PKD1L1: variants seen among roughly 807,000 people sequenced by gnomAD.
PKD1L1 encodes the protein polycystin 1 like 1, transient receptor potential channel interacting, also known as polycystin-1-like protein 1.
In PKD1L1, 236 loss-of-function variants were observed where a neutral mutation model predicts 323.4. That is an observed-to-expected ratio of 0.73 (90% CI 0.66 to 0.81). The LOEUF (loss-of-function observed/expected upper bound fraction) is 0.81. Among genes scored for constraint, PKD1L1 ranks in the 40% least tolerant of loss-of-function variants. The pLI is 0.00. For synonymous variants in PKD1L1, 1,344 were observed against 1,335.0 expected (o/e 1.01, Z -0.15); for missense variants, 3,320 against 3,508.0 (o/e 0.95, Z 1.35).
chr7:47,932,477 G>T (rs1010824145), intron 4 of PKD1L1, among the ~76,000 whole-genome samples: 1 of 152,208 alleles, frequency 6.6e-6, no homozygotes, highest in Admixed American at 6.5e-5. Context: ...TGCTTATTCC[G>T]AGTGCAGTCA....
rs950366013 is a variant in PKD1L1 at position 47,900,407 on chromosome 7, TACAG to T, written c.2064+1968_2064+1971del. ...AAGGCCATACACTTGCAGAACAATG[TACAG>T]ACAGTGTAATTGCCAAGTTATTTGT... On this transcript the variant is annotated intron_variant, in intron 13 of 56. Transcript: ENST00000289672. Among the ~76,000 whole-genome samples the T allele has an allele frequency of 1.1e-4, 17 of 152,216 alleles. 1 individual carries two copies. The highest frequency in any genetic ancestry group is 8.5e-4 in the Admixed American group (13 of 15,272).
At position 47,887,780 on chromosome 7, in the gene PKD1L1, C is replaced by T. The variant is rs185176054; in HGVS notation, c.2836+210G>A. On this transcript the variant is annotated intron_variant, in intron 17 of 56. Coordinates refer to ENST00000289672, the MANE Select transcript of PKD1L1 (RefSeq NM_138295.5). ...ATATCACACTGAGGTCAGAAGCAGC[C>T]CTTGAGTGTGTCACCTCTTCTGCTG... Among the ~76,000 whole-genome samples the T allele has an allele frequency of 2.0e-4, 30 of 152,290 alleles. 1 individual carries two copies. Among genetic ancestry groups the T allele is most frequent in the African/African-American group, 5.8e-4 (24 of 41,554 alleles).
chr7:47,818,799 T>C (rs1785078341), intron 46 of PKD1L1, among the ~76,000 whole-genome samples: 1 of 152,260 alleles, frequency 6.6e-6, no homozygotes, highest in Non-Finnish European at 1.5e-5. Context: ...CTTTATTTGC[T>C]GGTTTATTTT....
intron 8 of PKD1L1, among the ~76,000 whole-genome samples, chr7:47,914,441 T>C (rs1482820212): frequency 1.3e-5 from 2 of 152,134 alleles, no homozygotes; most frequent in Admixed American, 6.5e-5. Context: ...ATCTCCAAAA[T>C]TGTGAGAGGC....
intron 7 of PKD1L1, among the ~76,000 whole-genome samples, chr7:47,916,421 G>A (rs1254336215): frequency 2.0e-5 from 3 of 152,206 alleles, no homozygotes; most frequent in Non-Finnish European, 4.4e-5. Flanking sequence ...GGATCACAGT[G>A]AATGGGAGGC....
intron 14 of PKD1L1, among the ~76,000 whole-genome samples, chr7:47,896,322 C>G (rs567142243): frequency 1.1e-3 from 138 of 130,022 alleles, no homozygotes; most frequent in African/African-American, 4.7e-3. Flanking sequence ...AGAGTGAGAC[C>G]CTGTCTCAAA....
At chr7:47,948,047 G>A (rs1011624949) in intron 1 of PKD1L1, among the ~76,000 whole-genome samples, 1 of 152,144 alleles carries the variant, frequency 6.6e-6, no homozygotes, top group Non-Finnish European at 1.5e-5. Flanking sequence ...TCCATGCAAG[G>A]GACCTAGCAG....
chr7:47,795,898 T>C (rs1200094375), intron 55 of PKD1L1, 91 bp downstream of exon 55: 2 of 1,435,428 alleles, frequency 1.4e-6, no homozygotes, highest in Non-Finnish European at 1.9e-6. Context: ...AACATACTCA[T>C]GCTTTGATAA....
At chr7:47,957,947 T>C in the PKD1L1 span, among the ~76,000 whole-genome samples, 5 of 148,116 alleles carry the variant, frequency 3.4e-5, no homozygotes, top group Non-Finnish European at 7.5e-5. Context: ...TGAAAGAAAC[T>C]GAAGACACAA....
At chr7:47,893,814 A>G in intron 15 of PKD1L1, 64 bp downstream of exon 15, 4 of 1,515,802 alleles carry the variant, frequency 2.6e-6, no homozygotes, top group Non-Finnish European at 3.6e-6. Flanking sequence ...AACGTTCCAG[A>G]GCCTGCATTT....
intron 14 of PKD1L1, among the ~76,000 whole-genome samples, chr7:47,895,647 G>A (rs1786919932): frequency 6.6e-6 from 1 of 152,102 alleles, no homozygotes; most frequent in Non-Finnish European, 1.5e-5. Flanking sequence ...ACTTTTGGGT[G>A]GAGACAATAT....
chr7:47,866,212 A>G (rs2128743986), intron 25 of PKD1L1, among the ~76,000 whole-genome samples: 1 of 152,358 alleles, frequency 6.6e-6, no homozygotes, highest in African/African-American at 2.4e-5. Context: ...TCTCTCTTTT[A>G]TAAACCAGCA....
At chr7:47,802,324 A>G (rs1380694896) in intron 53 of PKD1L1, among the ~76,000 whole-genome samples, 1 of 152,186 alleles carries the variant, frequency 6.6e-6, no homozygotes, top group Non-Finnish European at 1.5e-5. Flanking sequence ...AATGTCGTTA[A>G]TGCTTTTTCT....
intron 36 of PKD1L1, among the ~76,000 whole-genome samples, chr7:47,838,148 T>C (rs140230000): frequency 1.3e-5 from 2 of 152,382 alleles, no homozygotes; most frequent in East Asian, 1.9e-4. Context: ...GTTTTAGATG[T>C]TGAAGAATTT....
In PKD1L1 at chr7:47,898,044, T is replaced by A. The variant is rs1583657988; in HGVS notation, c.2215A>T (p.Thr739Ser). 1 of 1,612,840 alleles carries A rather than the reference T, an allele frequency of 6.2e-7. No individual in the cohort carries two copies. ...LPAAVDTHRQ[T>S]LILPSHTLEY... ...AAGGTGTGGCTCGGGAGGATGAGGGTCTGTCTGTGAGTGTCCACAGCAGCA... is the reference window on the plus strand; with the variant it reads ...AAGGTGTGGCTCGGGAGGATGAGGGACTGTCTGTGAGTGTCCACAGCAGCA... Residue 739 changes from threonine (T) to serine (S), a missense_variant, in exon 14 of 57, where the codon ACC becomes TCC. Coordinates refer to ENST00000289672, the MANE Select transcript of PKD1L1 (RefSeq NM_138295.5).
At chr7:47,957,862 A>AAAT in the PKD1L1 span, among the ~76,000 whole-genome samples, 3,105 of 134,686 alleles carry the variant, frequency 0.023, 103 homozygotes, top group South Asian at 0.055. Context: ...ATTAAAAAAA[A>AAAT]ATATATATAT....
chr7:47,823,071 A>ATT (rs749357725), intron 45 of PKD1L1, among the ~76,000 whole-genome samples: 11 of 151,706 alleles, frequency 7.3e-5, no homozygotes, highest in Non-Finnish European at 1.3e-4. Context: ...TCTCTTGCCT[A>ATT]TTGCATTGGC....
intron 4 of PKD1L1, among the ~76,000 whole-genome samples, chr7:47,933,792 T>C (rs141896267): frequency 3.3e-5 from 5 of 152,332 alleles, no homozygotes; most frequent in Non-Finnish European, 2.9e-5. Context: ...CGCACACTCT[T>C]CCACTATTGG....
chr7:47,800,869 G>A lies in PKD1L1; in HGVS notation c.7973C>T (p.Ala2658Val). The A allele has an allele frequency of 1.2e-6, 2 of 1,613,742 alleles. No individual in the cohort carries two copies. The highest frequency in any genetic ancestry group is 1.7e-6 in the Non-Finnish European group (2 of 1,179,806). The change falls in exon 54 of 57, where the codon GCA (alanine) becomes GTA (valine). Residue 2658 changes from alanine to valine, a missense_variant. Coordinates refer to ENST00000289672, the MANE Select transcript of PKD1L1 (RefSeq NM_138295.5). ...GTGGGAGAGGGCGGCCAGCATCAGTGCCCCCACCAGCTGCAGAAAGAAAAT... is the reference window on the plus strand; with the variant it reads ...GTGGGAGAGGGCGGCCAGCATCAGTACCCCCACCAGCTGCAGAAAGAAAAT... ...PSIFVAGLVG[A>V]LMLAALSHLH...
Sources: gnomAD v4.1 joint callset for allele counts (sites outside exome capture counted in the v4.1 genomes callset) on GRCh38, gnomAD v4.1.1 for gene constraint, MANE v1.5 for transcripts, NCBI Gene and HGNC (gene_info 2026-07-23, HGNC 2026-07-21) for gene names.